GOLGA6B: variants seen among roughly 807,000 people sequenced by gnomAD.
GOLGA6B encodes golgin subfamily A member 6B.
Under a neutral mutation model 63.0 loss-of-function variants are expected in GOLGA6B, and 11 were observed. The ratio of observed to expected loss-of-function variants is 0.17; its 90% confidence interval spans 0.11 to 0.29. The LOEUF (loss-of-function observed/expected upper bound fraction) is 0.29, where lower values mean the gene tolerates loss of function less well. Ranked by LOEUF, GOLGA6B falls within the 10% of genes least tolerant of loss-of-function variation. The pLI is 1.00. For synonymous variants in GOLGA6B, 46 were observed against 232.6 expected (o/e 0.20, Z 7.30); for missense variants, 134 against 563.8 (o/e 0.24, Z 7.72).
chr15:72,666,245 T>C lies in GOLGA6B; in HGVS notation c.1985T>C (p.Val662Ala). Residue 662 changes from valine to alanine, a missense_variant, in exon 18 of 18, where the codon GTG becomes GCG. Transcript: ENST00000421285. ...DFYEVSLDNN[V>A]EPAPGAAREG... The stretch of plus-strand genomic sequence containing the variant: ...TATGAAGTGAGCCTGGACAACAACG[T>C]GGAGCCTGCACCAGGAGCGGCCAGG... 6.2e-7 allele frequency: 1 copy of C among 1,602,700 alleles called. No homozygotes were observed. The highest frequency in any genetic ancestry group is 8.5e-7 in the Non-Finnish European group (1 of 1,177,040).
intron 12 of GOLGA6B, 139 bp from the exon 13 acceptor site, chr15:72,664,297 A>T (rs1339794634): frequency 8.9e-7 from 1 of 1,126,356 alleles, no homozygotes; most frequent in African/African-American, 1.6e-5. Flanking sequence ...AGCAGCAGGA[A>T]GCTTGGGGCA....
At position 72,666,293 on chromosome 15, in the gene GOLGA6B, C is replaced by T. The variant is rs759918219; in HGVS notation, c.2033C>T (p.Pro678Leu). The T allele has an allele frequency of 6.3e-6, 10 of 1,583,604 alleles. No individual in the cohort carries two copies. The highest frequency in any genetic ancestry group is 5.7e-5 in the African/African-American group (4 of 69,608). The change falls in exon 18 of 18, where the codon CCC becomes CTC. Residue 678 changes from proline (P) to leucine (L), a missense_variant. Pro to Leu is a moderately conservative substitution (Grantham distance 98). Coordinates refer to ENST00000421285, the MANE Select transcript of GOLGA6B (RefSeq NM_018652.5). ...AGGGAGGGTTCTCCCCATGACAACC[C>T]CACTGTACAGCAGATCGTGCAGCTG... Reference protein sequence around the residue: ...AAREGSPHDNPTVQQIVQLSP... With the variant: ...AAREGSPHDNLTVQQIVQLSP...
In GOLGA6B at chr15:72,664,417, C is replaced by G. The variant is rs769049874; in HGVS notation, c.1426-19C>G. 4 of 1,321,474 alleles carry G rather than the reference C, an allele frequency of 3.0e-6. 1 individual carries two copies. The highest frequency in any genetic ancestry group is 2.1e-6 in the Non-Finnish European group (2 of 962,246). The allele number at this position is 1,321,474 out of a possible 1,614,324, so 81.9% of individuals were successfully genotyped here. A position where few individuals can be genotyped will look rare whatever the true frequency, so the allele number is the denominator to read the frequency against. On this transcript the variant is annotated intron_variant, in intron 12 of 17. Coordinates refer to ENST00000421285, the MANE Select transcript of GOLGA6B (RefSeq NM_018652.5). ...CTGGCAACCTCCGTGCCTTCTCACT[C>G]TGTTTCCCGTCCCCTTAGGAGCACC... is the stretch of plus-strand genomic sequence containing the variant.
intron 12 of GOLGA6B, among the ~76,000 whole-genome samples, chr15:72,663,616 T>G (rs1595888107): frequency 7.8e-6 from 1 of 128,680 alleles, no homozygotes; most frequent in Non-Finnish European, 1.7e-5. Context: ...TGGTGGAGGT[T>G]GCAGTGAGCT....
rs1195274728 is a variant in GOLGA6B, at chr15:72,663,636, C to T, written c.1425+531C>T. On this transcript the variant is annotated intron_variant, in intron 12 of 17. Transcript: ENST00000421285. ...GAGGTTGCAGTGAGCTGAGATTGCA[C>T]CACTGCACTCCAGCCTGGGCCACAG... is the stretch of plus-strand genomic sequence containing the variant. Among the ~76,000 whole-genome samples, 4 of 128,376 alleles carry T rather than the reference C, an allele frequency of 3.1e-5. 2 individuals are homozygous for T. Among genetic ancestry groups the T allele is most frequent in the African/African-American group, 5.5e-5 (2 of 36,550 alleles). 84.2% of individuals were successfully genotyped at this position (128,376 alleles called of 152,430 possible). A position where few individuals can be genotyped will look rare whatever the true frequency, so the allele number is the denominator to read the frequency against.
In GOLGA6B at chr15:72,664,358, C is replaced by G. The variant is rs192249833; in HGVS notation, c.1426-78C>G. ...AAAGTTGCAGGAGACCCAGGGGAGGCAGTTGCTGAGGACGGGGCCCCGAGG... is the reference window on the plus strand; with the variant it reads ...AAAGTTGCAGGAGACCCAGGGGAGGGAGTTGCTGAGGACGGGGCCCCGAGG... On this transcript the variant is annotated intron_variant, in intron 12 of 17. Coordinates refer to ENST00000421285, the MANE Select transcript of GOLGA6B (RefSeq NM_018652.5). 10,739 of 1,251,014 alleles carry G rather than the reference C, an allele frequency of 8.6e-3. 1,578 individuals carry two copies. The African/African-American group carries it at 0.098, about 11-fold the overall frequency. 77.5% of individuals were successfully genotyped at this position (1,251,014 alleles called of 1,614,324 possible).
rs371584513 is a variant in GOLGA6B, at chr15:72,669,478, G to A, written c.*3136G>A. 1.7e-4 allele frequency among the ~76,000 whole-genome samples: 25 copies of A among 151,234 alleles called. No homozygotes were observed. Among genetic ancestry groups the A allele is most frequent in the East Asian group, 1.4e-3 (7 of 5,128 alleles). On this transcript the variant is annotated 3_prime_UTR_variant, in exon 18 of 18. Coordinates refer to ENST00000421285, the MANE Select transcript of GOLGA6B (RefSeq NM_018652.5). ...AGTTTTCTTAGAATGACTTTTACCA[G>A]TTTATGAATTCTTGTAAACAGAATG...
rs554730481 is a variant in GOLGA6B at position 72,662,457 on chromosome 15, G to A, written c.1053G>A (p.Val351=). 2.2e-5 allele frequency: 30 copies of A among 1,393,872 alleles called. 6 individuals carry two copies. Among genetic ancestry groups the A allele is most frequent in the Non-Finnish European group, 2.4e-5 (25 of 1,027,166 alleles). 86.3% of individuals were successfully genotyped at this position (1,393,872 alleles called of 1,614,324 possible). ...AGGAGATGCTCCGAGAGCAGGAGGT[G>A]CAGAGAGTGCGGGAGCAGGAGAGAC... is the stretch of plus-strand genomic sequence containing the variant. ...EQEEMLREQE[V]QRVREQERLC... The change falls in exon 11 of 18, where the codon GTG becomes GTA. Residue 351 remains valine (V), a synonymous_variant. Transcript: ENST00000421285.
rs570912863 is a variant in GOLGA6B at position 72,662,358 on chromosome 15, C to T, written c.954C>T (p.Leu318=). 2.9e-6 allele frequency: 4 copies of T among 1,390,158 alleles called. 1 individual carries two copies. Among genetic ancestry groups the T allele is most frequent in the Admixed American group, 3.8e-5 (2 of 52,376 alleles). The allele number at this position is 1,390,158 out of a possible 1,614,324, so 86.1% of individuals were successfully genotyped here. Residue 318 remains leucine, a synonymous_variant, in exon 11 of 18, where the codon CTC becomes CTT. Transcript: ENST00000421285. ...AGGTGGAAGGTCTGGAGGGAAAGCT[C>T]CAATCCCAGGTGGAAAACAATCAGG... ...RQEVEGLEGK[L]QSQVENNQAL...
rs776342209 is a variant in GOLGA6B at position 72,664,460 on chromosome 15, C to T, written c.1450C>T (p.Gln484Ter). ...DEEHLEAASQ[Q>*]NQQLETQLSL... ...GGAGCACCTAGAAGCTGCCAGCCAG[C>T]AGAACCAACAGCTAGAGACCCAGCT... Residue 484 changes from glutamine (Q) to a stop codon, truncating the protein, a stop_gained, in exon 13 of 18, where the codon CAG (glutamine) becomes TAG (stop). Coordinates refer to ENST00000421285, the MANE Select transcript of GOLGA6B (RefSeq NM_018652.5). LOFTEE classifies it high-confidence loss of function. 7 of 1,333,918 alleles carry T rather than the reference C, an allele frequency of 5.2e-6. 2 individuals carry two copies. The highest frequency in any genetic ancestry group is 5.2e-5 in the East Asian group (2 of 38,770). The allele number at this position is 1,333,918 out of a possible 1,614,324, so 82.6% of individuals were successfully genotyped here.
In GOLGA6B at chr15:72,662,237, T is replaced by G. The variant is rs746821475; in HGVS notation, c.848-15T>G. On this transcript the variant is annotated splice_polypyrimidine_tract_variant and intron_variant, in intron 10 of 17. Transcript: ENST00000421285. Reference sequence around the variant, plus strand: ...GGGGAATCCAGAGGCCCTTATTGTCTGCTTCATTTCTCAGCTAAGCCCCCA... The same window carrying G: ...GGGGAATCCAGAGGCCCTTATTGTCGGCTTCATTTCTCAGCTAAGCCCCCA... The G allele has an allele frequency of 2.9e-6, 4 of 1,386,440 alleles. 1 individual carries two copies. Among genetic ancestry groups the G allele is most frequent in the South Asian group, 1.4e-5 (1 of 71,532 alleles). 85.9% of individuals were successfully genotyped at this position (1,386,440 alleles called of 1,614,324 possible).
chr15:72,655,818 ATCT>A (rs1179815922), intron 1 of GOLGA6B, among the ~76,000 whole-genome samples: 1 of 96,332 alleles, frequency 1.0e-5, no homozygotes, highest in African/African-American at 4.2e-5. Flanking sequence ...AGATTTGCTC[ATCT>A]TCTGTGGAAT....
rs201791007 is a variant in GOLGA6B, at chr15:72,662,271, G to T, written c.867G>T (p.Ala289=). ...KNQMAKPPSL[A]PPAVTSVVEQ... ...TCTCAGCTAAGCCCCCATCCCTGGC[G>T]CCCCCAGCAGTGACCTCTGTGGTGG... is the stretch of plus-strand genomic sequence containing the variant. The change falls in exon 11 of 18, where the codon GCG becomes GCT. Residue 289 remains alanine, a synonymous_variant. Transcript: ENST00000421285. 3 of 1,382,150 alleles carry T rather than the reference G, an allele frequency of 2.2e-6. No individual in the cohort carries two copies. Among genetic ancestry groups the T allele is most frequent in the Admixed American group, 1.9e-5 (1 of 51,304 alleles). The allele number at this position is 1,382,150 out of a possible 1,614,324, so 85.6% of individuals were successfully genotyped here. A position where few individuals can be genotyped will look rare whatever the true frequency, so the allele number is the denominator to read the frequency against.
At chr15:72,660,651 G>A (rs1236844212) in intron 7 of GOLGA6B, among the ~76,000 whole-genome samples, 10 of 111,286 alleles carry the variant, frequency 9.0e-5, no homozygotes, top group African/African-American at 1.5e-4. Context: ...ATGTCTGCAA[G>A]CATTCATAAA....
In GOLGA6B at chr15:72,664,043, C is replaced by CA. The variant is rs1468416586; in HGVS notation, c.1426-392dup. Reference sequence around the variant, plus strand: ...GGGTCCTGGGCAGGTGACAGAGCCCCACGGTGCCCTCGCTACCCTATTAAT... The same window carrying CA: ...GGGTCCTGGGCAGGTGACAGAGCCCCAACGGTGCCCTCGCTACCCTATTAAT... On this transcript the variant is annotated intron_variant, in intron 12 of 17. Transcript: ENST00000421285. 3.1e-5 allele frequency among the ~76,000 whole-genome samples: 4 copies of CA among 129,590 alleles called. 1 individual carries two copies. The highest frequency in any genetic ancestry group is 6.9e-5 in the Non-Finnish European group (4 of 57,580). 85.0% of individuals were successfully genotyped at this position (129,590 alleles called of 152,430 possible). A position where few individuals can be genotyped will look rare whatever the true frequency, so the allele number is the denominator to read the frequency against.
rs749226589 is a variant in GOLGA6B at position 72,662,406 on chromosome 15, A to C, written c.1002A>C (p.Glu334Asp). ...NNQALSLLSK[E>D]QKQRLQEQEE... ...AGGCCTTGAGTCTCCTTAGCAAGGA[A>C]CAAAAGCAGAGACTCCAGGAGCAGG... Residue 334 changes from glutamate (E) to aspartate (D), a missense_variant, in exon 11 of 18, where the codon GAA becomes GAC. Transcript: ENST00000421285. The C allele has an allele frequency of 5.0e-6, 7 of 1,396,588 alleles. 2 individuals carry two copies. In the Admixed American group the frequency reaches 9.5e-5, roughly 19 times the overall value. The allele number at this position is 1,396,588 out of a possible 1,614,324, so 86.5% of individuals were successfully genotyped here.
At position 72,666,308 on chromosome 15, in the gene GOLGA6B, T is replaced by C. The variant is rs749968749; in HGVS notation, c.2048T>C (p.Ile683Thr). The change falls in exon 18 of 18, where the codon ATC (isoleucine) becomes ACC (threonine). Residue 683 changes from isoleucine to threonine, a missense_variant. Transcript: ENST00000421285. ...CATGACAACCCCACTGTACAGCAGA[T>C]CGTGCAGCTGTCTCCTGTCATGCAG... is the stretch of plus-strand genomic sequence containing the variant. ...SPHDNPTVQQIVQLSPVMQDT is the reference protein window; with the variant it reads ...SPHDNPTVQQTVQLSPVMQDT The C allele has an allele frequency of 1.1e-4, 178 of 1,572,352 alleles. No individual in the cohort carries two copies. The highest frequency in any genetic ancestry group is 4.3e-4 in the Admixed American group (24 of 56,190).
In GOLGA6B at chr15:72,669,019, A is replaced by G. The variant is rs1398513857; in HGVS notation, c.*2677A>G. On this transcript the variant is annotated 3_prime_UTR_variant, in exon 18 of 18. Coordinates refer to ENST00000421285, the MANE Select transcript of GOLGA6B (RefSeq NM_018652.5). ...CAGCTTTCAATTTGCTTAGAAGGCA[A>G]CATTAGAAGGGTAGAGTTTAATCAG... Among the ~76,000 whole-genome samples the G allele has an allele frequency of 6.6e-5, 10 of 151,068 alleles. No individual in the cohort carries two copies. Among genetic ancestry groups the G allele is most frequent in the African/African-American group, 2.4e-4 (10 of 41,202 alleles).
rs375343704 is a variant in GOLGA6B, at chr15:72,662,496, C to T, written c.1092C>T (p.Asn364=). 3.8e-4 allele frequency: 543 copies of T among 1,441,950 alleles called. 85 individuals are homozygous for T. The highest frequency in any genetic ancestry group is 2.4e-4 in the Admixed American group (13 of 54,232). The allele number at this position is 1,441,950 out of a possible 1,614,324, so 89.3% of individuals were successfully genotyped here. Residue 364 remains asparagine (N), a synonymous_variant, in exon 11 of 18, where the codon AAC becomes AAT. Coordinates refer to ENST00000421285, the MANE Select transcript of GOLGA6B (RefSeq NM_018652.5). ...VREQERLCEQ[N]ERLREQQKTL... ...AGCAGGAGAGACTGTGTGAACAAAACGAGAGGCTTCGGGAGCAGCAGAAGA... is the reference window on the plus strand; with the variant it reads ...AGCAGGAGAGACTGTGTGAACAAAATGAGAGGCTTCGGGAGCAGCAGAAGA...
Sources: gnomAD v4.1 joint callset for allele counts (sites outside exome capture counted in the v4.1 genomes callset) on GRCh38, gnomAD v4.1.1 for gene constraint, MANE v1.5 for transcripts, NCBI Gene and HGNC (gene_info 2026-07-23, HGNC 2026-07-21) for gene names.